The following RTL4 variants were observed in gnomAD, a reference collection of about 807,000 sequenced individuals.
RTL4 encodes the protein retrotransposon Gag like 4.
A neutral mutation model predicts 5.3 loss-of-function variants in RTL4; 4 were observed. That is an observed-to-expected ratio of 0.75 (90% CI 0.37 to 1.72). The LOEUF (loss-of-function observed/expected upper bound fraction) is 1.72. RTL4 is among the 40% of genes most tolerant of loss of function. RTL4 has a pLI of 0.04. For missense variants in RTL4, 260 were observed against 227.1 expected (o/e 1.14, Z -0.93); for synonymous variants, 98 against 87.3 (o/e 1.12, Z -0.68).
the RTL4 span, among the ~76,000 whole-genome samples, chrX:112,430,334 T>C: frequency 9.0e-6 from 1 of 111,185 alleles, no homozygotes; most frequent in Non-Finnish European, 1.9e-5. Flanking sequence ...GTCCAGTATA[T>C]TAATTAGGTC....
chrX:112,183,252 C>T, the RTL4 span, among the ~76,000 whole-genome samples: 1 of 111,932 alleles, frequency 8.9e-6, no homozygotes, highest in African/African-American at 3.2e-5. Context: ...GAAACTGCAT[C>T]AACTAACGGG....
the RTL4 span, among the ~76,000 whole-genome samples, chrX:112,393,157 T>G: frequency 1.0e-5 from 1 of 96,283 alleles, no homozygotes. Flanking sequence ...CTTTTTTTTT[T>G]TTTGTTTTTT....
chrX:112,207,969 C>T, the RTL4 span, among the ~76,000 whole-genome samples: 1 of 111,217 alleles, frequency 9.0e-6, no homozygotes, highest in Non-Finnish European at 1.9e-5. Flanking sequence ...CATAAATTGA[C>T]CCCATTGAGT....
At chrX:112,263,384 A>T in the RTL4 span, among the ~76,000 whole-genome samples, 1 of 110,381 alleles carries the variant, frequency 9.1e-6, no homozygotes, top group African/African-American at 3.3e-5. Context: ...ATGAGCAAAG[A>T]TAAAGGGCCA....
At chrX:112,196,318 A>T in the RTL4 span, among the ~76,000 whole-genome samples, 1 of 111,483 alleles carries the variant, frequency 9.0e-6, no homozygotes, top group African/African-American at 3.3e-5. Context: ...TTAATAGTTT[A>T]TTCCTTCTTA....
the RTL4 span, among the ~76,000 whole-genome samples, chrX:112,311,281 A>G: frequency 1.8e-5 from 2 of 110,438 alleles, no homozygotes; most frequent in African/African-American, 6.6e-5. Flanking sequence ...CTCTTTTCCA[A>G]TTTCACAGTT....
chrX:112,147,741 C>A, the RTL4 span, among the ~76,000 whole-genome samples: 1 of 111,997 alleles, frequency 8.9e-6, no homozygotes, highest in East Asian at 2.8e-4. Context: ...GAGTTCAAGA[C>A]CAGCCTGGCC....
chrX:112,304,053 A>G, the RTL4 span, among the ~76,000 whole-genome samples: 14 of 110,111 alleles, frequency 1.3e-4, no homozygotes, highest in African/African-American at 4.6e-4. Flanking sequence ...GAGCGTGGCC[A>G]TATGGTTGGG....
chrX:112,417,098 A>G, the RTL4 span, among the ~76,000 whole-genome samples: 1 of 111,618 alleles, frequency 9.0e-6, no homozygotes, highest in Non-Finnish European at 1.9e-5. Context: ...ACTTTGCTTC[A>G]GATGGCACAT....
chrX:112,381,901 A>G, the RTL4 span: 1 of 1,209,716 alleles, frequency 8.3e-7, no homozygotes, highest in Non-Finnish European at 1.1e-6. Flanking sequence ...AGAGAAAAAG[A>G]AGAGAGCTTA....
the RTL4 span, among the ~76,000 whole-genome samples, chrX:112,386,659 AT>A: frequency 1.8e-5 from 2 of 111,811 alleles, no homozygotes; most frequent in Admixed American, 1.9e-4. Context: ...TTCCAGTTCC[AT>A]TCAGGTTGCT....
chrX:112,328,339 A>C, the RTL4 span, among the ~76,000 whole-genome samples: 3 of 111,281 alleles, frequency 2.7e-5, no homozygotes, highest in Non-Finnish European at 5.7e-5. Context: ...AAAACAAAAA[A>C]AAGGCAGGGG....
chrX:112,361,410 G>C, the RTL4 span, among the ~76,000 whole-genome samples: 1 of 111,274 alleles, frequency 9.0e-6, no homozygotes, highest in African/African-American at 3.3e-5. Flanking sequence ...CACGGGGATA[G>C]ATAACTTTTA....
the RTL4 span, among the ~76,000 whole-genome samples, chrX:112,239,829 T>A: frequency 8.9e-6 from 1 of 111,882 alleles, no homozygotes; most frequent in Admixed American, 9.5e-5. Flanking sequence ...TATACTACAA[T>A]TAAACATGGT....
chrX:112,440,299 C>A, the RTL4 span, among the ~76,000 whole-genome samples: 1 of 111,389 alleles, frequency 9.0e-6, no homozygotes, highest in African/African-American at 3.3e-5. Context: ...TGAAGGAGAT[C>A]AGATGGCTTG....
At chrX:112,128,454 T>G in the RTL4 span, among the ~76,000 whole-genome samples, 6 of 109,881 alleles carry the variant, frequency 5.5e-5, no homozygotes, top group Non-Finnish European at 1.1e-4. Context: ...ATCTGAGGAG[T>G]TCGAGACCAG....
the RTL4 span, among the ~76,000 whole-genome samples, chrX:112,331,586 G>T: frequency 9.4e-6 from 1 of 106,606 alleles, no homozygotes; most frequent in Non-Finnish European, 1.9e-5. Context: ...CAACCATTGT[G>T]GAAGTCAGTG....
chrX:112,259,498 T>C, the RTL4 span, among the ~76,000 whole-genome samples: 1 of 110,552 alleles, frequency 9.0e-6, no homozygotes, highest in Non-Finnish European at 1.9e-5. Context: ...GGTTGGGTGA[T>C]GCAAAAGTAA....
chrX:112,442,331 C>T, the RTL4 span, among the ~76,000 whole-genome samples: 3 of 109,167 alleles, frequency 2.7e-5, no homozygotes, highest in Non-Finnish European at 5.7e-5. Flanking sequence ...ACCTCCACCG[C>T]CTGAGTTCAA....
Sources: gnomAD v4.1 joint callset for allele counts (sites outside exome capture counted in the v4.1 genomes callset) on GRCh38, gnomAD v4.1.1 for gene constraint, MANE v1.5 for transcripts, NCBI Gene and HGNC (gene_info 2026-07-23, HGNC 2026-07-21) for gene names.